OXR1: variants seen among roughly 807,000 people sequenced by gnomAD.
OXR1 encodes the protein oxidation resistance protein 1.
A neutral mutation model predicts 104.6 loss-of-function variants in OXR1; 41 were observed. The observed-to-expected ratio is 0.39, with a 90% CI of 0.31 to 0.51. OXR1 has a LOEUF of 0.51. Ranked by LOEUF, OXR1 falls within the 20% of genes least tolerant of loss-of-function variation. The probability of loss-of-function intolerance (pLI) is 0.77; values close to 1 mark genes in which losing one functional copy is unlikely to be tolerated. For missense variants in OXR1, 955 were observed against 1,031.9 expected (o/e 0.93, Z 1.02); for synonymous variants, 348 against 348.4 (o/e 1.00, Z 0.01).
chr8:106,514,452 T>C (rs1738114019), intron 2 of OXR1, among the ~76,000 whole-genome samples: 1 of 152,108 alleles, frequency 6.6e-6, no homozygotes, highest in Admixed American at 6.6e-5. Context: ...GAAAACCTAC[T>C]AGCAGTATTC....
At chr8:106,576,961 G>A (rs1817882603) in intron 3 of OXR1, among the ~76,000 whole-genome samples, 1 of 151,868 alleles carries the variant, frequency 6.6e-6, no homozygotes, top group Admixed American at 6.6e-5. Flanking sequence ...CTCTTAATTC[G>A]AACTTTTTTG....
chr8:106,471,605 T>C (rs1821496186), intron 2 of OXR1, among the ~76,000 whole-genome samples: 1 of 151,878 alleles, frequency 6.6e-6, no homozygotes, highest in Non-Finnish European at 1.5e-5. Context: ...CTAGATTGCA[T>C]TCTAGATTGT....
chr8:106,479,880 AT>A (rs1326156999), intron 2 of OXR1, among the ~76,000 whole-genome samples: 1 of 151,956 alleles, frequency 6.6e-6, no homozygotes, highest in Non-Finnish European at 1.5e-5. Context: ...TTTTACTTTG[AT>A]TTAAGGAACA....
chr8:106,362,784 G>T (rs1223566420), intron 2 of OXR1, among the ~76,000 whole-genome samples: 1 of 152,168 alleles, frequency 6.6e-6, no homozygotes, highest in Non-Finnish European at 1.5e-5. Flanking sequence ...GGAAAGAATT[G>T]TTTCTGGTAG....
chr8:106,419,308 G>A (rs939911800), intron 2 of OXR1, among the ~76,000 whole-genome samples: 2 of 152,092 alleles, frequency 1.3e-5, no homozygotes, highest in Non-Finnish European at 2.9e-5. Flanking sequence ...TGCGTTGCAG[G>A]CTATTTCTTA....
intron 2 of OXR1, among the ~76,000 whole-genome samples, chr8:106,370,852 T>G (rs1458748620): frequency 1.3e-5 from 2 of 152,100 alleles, no homozygotes; most frequent in Non-Finnish European, 2.9e-5. Context: ...ATTGTCCTGA[T>G]GTTTTCTTTT....
At chr8:106,355,038 A>T (rs1586559882) in intron 1 of OXR1, among the ~76,000 whole-genome samples, 1 of 152,102 alleles carries the variant, frequency 6.6e-6, no homozygotes, top group East Asian at 1.9e-4. Context: ...GGTTTATTAA[A>T]TTCACATCCT....
At chr8:106,625,589 T>G (rs986472443) in intron 3 of OXR1, among the ~76,000 whole-genome samples, 1 of 152,222 alleles carries the variant, frequency 6.6e-6, no homozygotes, top group East Asian at 1.9e-4. Flanking sequence ...TGTTGGTCAC[T>G]GTCAGATTTA....
chr8:106,452,921 A>G (rs1328106427), intron 2 of OXR1, among the ~76,000 whole-genome samples: 1 of 143,850 alleles, frequency 7.0e-6, no homozygotes, highest in Non-Finnish European at 1.6e-5. Flanking sequence ...GGCCTTTTGG[A>G]TTATCTGCCC....
intron 3 of OXR1, among the ~76,000 whole-genome samples, chr8:106,625,419 T>C (rs1822066806): frequency 6.6e-6 from 1 of 152,188 alleles, no homozygotes. Flanking sequence ...AACTAAGGGC[T>C]CATTATTGCT....
At chr8:106,506,404 G>A (rs537850464) in intron 2 of OXR1, among the ~76,000 whole-genome samples, 2 of 152,262 alleles carry the variant, frequency 1.3e-5, no homozygotes, top group African/African-American at 4.8e-5. Flanking sequence ...ACGAGGTCAG[G>A]AGATCCAGAC....
chr8:106,441,642 A>G (rs1197956647), intron 2 of OXR1, among the ~76,000 whole-genome samples: 2 of 152,026 alleles, frequency 1.3e-5, no homozygotes, highest in African/African-American at 2.4e-5. Context: ...ATCCCTTGCT[A>G]GCTGTATTCC....
intron 1 of OXR1, among the ~76,000 whole-genome samples, chr8:106,322,324 A>G (rs1189047246): frequency 2.6e-5 from 4 of 152,200 alleles, no homozygotes; most frequent in Non-Finnish European, 4.4e-5. Flanking sequence ...TACATGCAAA[A>G]AGGCTTTCGA....
At chr8:106,568,738 C>T (rs1817253975) in intron 3 of OXR1, among the ~76,000 whole-genome samples, 2 of 152,014 alleles carry the variant, frequency 1.3e-5, no homozygotes, top group African/African-American at 2.4e-5. Flanking sequence ...ATTATTTTTG[C>T]TATTGTATAT....
intron 3 of OXR1, chr8:106,617,912 A>G: frequency 1.8e-6 from 1 of 559,332 alleles, no homozygotes; most frequent in South Asian, 7.8e-5. Context: ...CACCGTTTCT[A>G]AAATGTTCAG....
Position 106,363,937 on chromosome 8 carries a change from C to CT in OXR1, c.23+4311dup, listed in dbSNP as rs556553295. 2.2e-3 allele frequency among the ~76,000 whole-genome samples: 323 copies of CT among 148,550 alleles called. 1 individual carries two copies. The highest frequency in any genetic ancestry group is 7.0e-3 in the African/African-American group (286 of 40,580). ...CGAAAGAGACTTGTTAATTCATCTTCTTTTTTTTTTCAGTTTTAGAAAAGG... is the reference window on the plus strand; with the variant it reads ...CGAAAGAGACTTGTTAATTCATCTTCTTTTTTTTTTTCAGTTTTAGAAAAGG... On this transcript the variant is annotated intron_variant, in intron 2 of 16. Transcript: ENST00000517566.
At chr8:106,386,308 G>A (rs1342982443) in intron 2 of OXR1, among the ~76,000 whole-genome samples, 1 of 152,124 alleles carries the variant, frequency 6.6e-6, no homozygotes, top group East Asian at 1.9e-4. Flanking sequence ...GAACTAGAAG[G>A]CTCATTTTAA....
At chr8:106,350,960 T>C (rs17251726) in intron 1 of OXR1, among the ~76,000 whole-genome samples, 10,162 of 152,246 alleles carry the variant, frequency 0.067, 352 homozygotes, top group Non-Finnish European at 0.073. Flanking sequence ...ATTGGATGAC[T>C]TCTACTCTAG....
chr8:106,550,880 A>G lies in OXR1; in HGVS notation c.220+31741A>G, dbSNP rs965683186. On this transcript the variant is annotated intron_variant, in intron 3 of 16. Coordinates refer to ENST00000517566, the MANE Select transcript of OXR1 (RefSeq NM_001198533.2). ...TCTAGAACAATTAACAGTCCAAACTAAGTGATGACCAAGCAATGCAGAAAA... is the reference window on the plus strand; with the variant it reads ...TCTAGAACAATTAACAGTCCAAACTGAGTGATGACCAAGCAATGCAGAAAA... 2.1e-4 allele frequency among the ~76,000 whole-genome samples: 32 copies of G among 152,224 alleles called. 1 individual carries two copies. Among genetic ancestry groups the G allele is most frequent in the Admixed American group, 1.9e-3 (29 of 15,276 alleles).
Sources: gnomAD v4.1 joint callset for allele counts (sites outside exome capture counted in the v4.1 genomes callset) on GRCh38, gnomAD v4.1.1 for gene constraint, MANE v1.5 for transcripts, NCBI Gene and HGNC (gene_info 2026-07-23, HGNC 2026-07-21) for gene names.